TMEM232: variants seen among roughly 807,000 people sequenced by gnomAD.
TMEM232 encodes transmembrane protein 232.
In TMEM232, 80 loss-of-function variants were observed where a neutral mutation model predicts 78.8. That is an observed-to-expected ratio of 1.01 (90% CI 0.85 to 1.22). The LOEUF (loss-of-function observed/expected upper bound fraction) is 1.22, where lower values mean the gene tolerates loss of function less well. TMEM232 is among the 50% of genes most tolerant of loss of function. TMEM232 has a pLI of 0.00. For synonymous variants in TMEM232, 297 were observed against 254.3 expected, an observed-to-expected ratio of 1.17 and a Z score of -1.60; for missense variants, 881 against 742.2, an observed-to-expected ratio of 1.19 and a Z score of -2.17.
chr5:110,700,892 C>G (rs568384456), intron 1 of TMEM232, among the ~76,000 whole-genome samples: 180 of 151,986 alleles, frequency 1.2e-3, no homozygotes, highest in African/African-American at 4.0e-3. Flanking sequence ...TCAACCCCAC[C>G]TTTCCTAAAG....
At chr5:110,433,489 T>C (rs911279041) in intron 12 of TMEM232, among the ~76,000 whole-genome samples, 6 of 151,682 alleles carry the variant, frequency 4.0e-5, no homozygotes, top group African/African-American at 1.2e-4. Context: ...GGAAAGTTTA[T>C]ATTGCTAAAT....
intron 12 of TMEM232, among the ~76,000 whole-genome samples, chr5:110,520,050 T>TATATAGAGAG (rs374219408): frequency 0.014 from 2,015 of 147,224 alleles, 41 homozygotes; most frequent in African/African-American, 0.047. Flanking sequence ...TATATATATA[T>TATATAGAGAG]AGAGAGAGAG....
intron 2 of TMEM232, among the ~76,000 whole-genome samples, chr5:110,653,888 A>C (rs1022324186): frequency 2.6e-5 from 4 of 152,214 alleles, no homozygotes; most frequent in African/African-American, 7.2e-5. Flanking sequence ...TCCAGAAATA[A>C]AGATTTCAGA....
At position 110,528,741 on chromosome 5, in the gene TMEM232, C is replaced by T. The variant is rs941396666; in HGVS notation, c.1550G>A (p.Trp517Ter). 3 of 1,533,480 alleles carry T rather than the reference C, an allele frequency of 2.0e-6. No homozygotes were observed. The African/African-American group carries it at 4.1e-5, about 21-fold the overall frequency. The allele number at this position is 1,533,480 out of a possible 1,614,324, so 95.0% of individuals were successfully genotyped here. The change falls in exon 12 of 14, where the codon TGG becomes TAG. Residue 517 changes from tryptophan (W) to a stop codon, truncating the protein, a stop_gained. Coordinates refer to ENST00000455884, the MANE Select transcript of TMEM232 (RefSeq NM_001039763.4). LOFTEE classifies it high-confidence loss of function. ...GEEVFSKYIGWRIANTLSKLF... is the reference protein window; with the variant it reads ...GEEVFSKYIG ...TTTGGAAAGAGTGTTGGCAATTCTCCACCCAATATATTTGGAGAAAACTTC... is the reference window on the plus strand; with the variant it reads ...TTTGGAAAGAGTGTTGGCAATTCTCTACCCAATATATTTGGAGAAAACTTC...
chr5:110,676,735 A>T (rs1335807260), intron 1 of TMEM232, among the ~76,000 whole-genome samples: 5 of 84,242 alleles, frequency 5.9e-5, no homozygotes, highest in Non-Finnish European at 1.2e-4. Context: ...TTCATCTTTT[A>T]TTTATTTATT....
intron 1 of TMEM232, among the ~76,000 whole-genome samples, 156 bp downstream of exon 1, chr5:110,726,471 T>C (rs1177725901): frequency 6.6e-6 from 1 of 151,994 alleles, no homozygotes; most frequent in African/African-American, 2.4e-5. Context: ...GGGTTGCGAG[T>C]AGTGTTTCTT....
chr5:110,585,612 C>T (rs1429815756), intron 10 of TMEM232, among the ~76,000 whole-genome samples: 1 of 148,626 alleles, frequency 6.7e-6, no homozygotes, highest in African/African-American at 2.4e-5. Context: ...GATTCTTCTT[C>T]CCTCACCTCA....
intron 12 of TMEM232, among the ~76,000 whole-genome samples, chr5:110,470,533 A>G (rs1561535751): frequency 2.0e-5 from 3 of 152,096 alleles, no homozygotes; most frequent in Admixed American, 1.3e-4. Context: ...TAGTCTCCCC[A>G]TTGTGGGAAA....
intron 12 of TMEM232, among the ~76,000 whole-genome samples, chr5:110,472,383 A>G (rs989751748): frequency 1.3e-5 from 2 of 152,016 alleles, no homozygotes; most frequent in Non-Finnish European, 1.5e-5. Flanking sequence ...CACTGATTAT[A>G]AAAATTGAAG....
At chr5:110,594,251 C>T (rs1249074073) in intron 10 of TMEM232, among the ~76,000 whole-genome samples, 1 of 152,008 alleles carries the variant, frequency 6.6e-6, no homozygotes, top group Non-Finnish European at 1.5e-5. Context: ...GGGACTGTAC[C>T]ATGAGAAACT....
chr5:110,410,918 T>A (rs961359978), intron 2 of TMEM232, among the ~76,000 whole-genome samples: 2 of 152,146 alleles, frequency 1.3e-5, no homozygotes, highest in African/African-American at 4.8e-5. Flanking sequence ...TTCTCTAAGA[T>A]GATGTGTGTA....
intron 12 of TMEM232, among the ~76,000 whole-genome samples, chr5:110,517,857 GT>G (rs1470008021): frequency 6.6e-6 from 1 of 152,224 alleles, no homozygotes; most frequent in East Asian, 1.9e-4. Context: ...TGAAAGAGAA[GT>G]TTAATTTACT....
At chr5:110,728,216 T>C (rs1798342496), upstream of TMEM232, among the ~76,000 whole-genome samples, 1 of 151,484 alleles carries the variant, frequency 6.6e-6, no homozygotes, top group African/African-American at 2.4e-5. Context: ...AATTCACAAA[T>C]ACATATATAT....
intron 1 of TMEM232, among the ~76,000 whole-genome samples, chr5:110,705,341 A>T (rs1795819624): frequency 6.6e-6 from 1 of 152,166 alleles, no homozygotes; most frequent in Non-Finnish European, 1.5e-5. Flanking sequence ...TGTATTTAAT[A>T]AAGAAATATA....
At chr5:110,568,299 G>C in intron 11 of TMEM232, 148 bp downstream of exon 11, 2 of 790,702 alleles carry the variant, frequency 2.5e-6, no homozygotes, top group Non-Finnish European at 3.8e-6. Flanking sequence ...ATCAAAAATA[G>C]ATCAGTGTTA....
At chr5:110,541,584 TTCAGCATGGAGGCTTCAA>T (rs1773119087) in intron 11 of TMEM232, among the ~76,000 whole-genome samples, 1 of 152,094 alleles carries the variant, frequency 6.6e-6, no homozygotes, top group Non-Finnish European at 1.5e-5. Flanking sequence ...ACTATTTACA[TTCAGCATGGAGGCTTCAA>T]TCCTCTGGAA....
intron 11 of TMEM232, among the ~76,000 whole-genome samples, chr5:110,559,467 T>C (rs184172709): frequency 2.0e-5 from 3 of 152,066 alleles, no homozygotes; most frequent in African/African-American, 7.2e-5. Flanking sequence ...TATATATATA[T>C]TCCCACAAAT....
chr5:110,601,179 AC>A (rs1371902016), intron 10 of TMEM232, among the ~76,000 whole-genome samples: 2 of 152,206 alleles, frequency 1.3e-5, no homozygotes, highest in Non-Finnish European at 2.9e-5. Context: ...GCCATCAGTA[AC>A]AAACTCATAG....
At chr5:110,444,211 C>G (rs184593115) in intron 12 of TMEM232, among the ~76,000 whole-genome samples, 22 of 152,206 alleles carry the variant, frequency 1.4e-4, no homozygotes, top group African/African-American at 4.1e-4. Context: ...ACCTCGGACC[C>G]TAGAGCACTT....
Sources: allele counts gnomAD v4.1 joint callset (sites outside exome capture counted in the v4.1 genomes callset), GRCh38; gene constraint gnomAD v4.1.1; transcripts MANE v1.5; gene names NCBI Gene and HGNC (gene_info 2026-07-23, HGNC 2026-07-21).